MAP2K2: variants seen among roughly 807,000 people sequenced by gnomAD.
The protein encoded by MAP2K2 is dual specificity mitogen-activated protein kinase kinase 2.
Under a neutral mutation model 43.7 loss-of-function variants are expected in MAP2K2, and 24 were observed. That is an observed-to-expected ratio of 0.55 (90% CI 0.40 to 0.77). MAP2K2 has a LOEUF of 0.77. MAP2K2 is among the 30% of genes least tolerant of loss of function. The probability of loss-of-function intolerance (pLI) is 0.00; values close to 1 mark genes in which losing one functional copy is unlikely to be tolerated. For missense variants in MAP2K2, 470 were observed against 566.8 expected (o/e 0.83, Z 1.73); for synonymous variants, 244 against 239.7 (o/e 1.02, Z -0.17).
chr19:4,099,615 C>A, intron 6 of MAP2K2: 1 of 598,676 alleles, frequency 1.7e-6, no homozygotes, highest in Non-Finnish European at 3.0e-6. Context: ...GCTTCCAGCC[C>A]GAGGCCTGGA....
At chr19:4,106,550 A>G (rs2041087849) in intron 3 of MAP2K2, among the ~76,000 whole-genome samples, 1 of 152,114 alleles carries the variant, frequency 6.6e-6, no homozygotes, top group African/African-American at 2.4e-5. Flanking sequence ...CTGGGACTAC[A>G]GGCGTGCGCC....
intron 3 of MAP2K2, among the ~76,000 whole-genome samples, chr19:4,107,580 A>T (rs1172502624): frequency 6.7e-6 from 1 of 149,164 alleles, no homozygotes; most frequent in East Asian, 2.0e-4. Context: ...GTGCTGGTGC[A>T]CCTGTAGTCC....
chr19:4,103,031 C>T (rs1042982461), intron 3 of MAP2K2: 12 of 1,051,904 alleles, frequency 1.1e-5, no homozygotes, highest in African/African-American at 1.0e-4. Flanking sequence ...CACTGCTGGG[C>T]GTCTGCCCTG....
At chr19:4,122,344 T>C (rs1271334208) in intron 1 of MAP2K2, among the ~76,000 whole-genome samples, 4 of 7,208 alleles carry the variant, frequency 5.5e-4, no homozygotes, top group Non-Finnish European at 8.0e-4. Flanking sequence ...AGGGACCCCC[T>C]CACCCCATCT....
intron 3 of MAP2K2, among the ~76,000 whole-genome samples, chr19:4,105,201 T>A (rs2041070283): frequency 7.7e-6 from 1 of 129,894 alleles, no homozygotes; most frequent in Non-Finnish European, 1.7e-5. Context: ...TGTGTGTGTG[T>A]GTGATGTTTA....
Position 4,097,323 on chromosome 19 carries a change from G to C in MAP2K2, c.940C>G (p.Pro314Ala), listed in dbSNP as rs775940718. ...PVSGHGMDSRPAMAIFELLDY... is the reference protein window; with the variant it reads ...PVSGHGMDSRAAMAIFELLDY... ...AGGAGTTCAAAGATGGCCATGGCAG[G>C]CCGGCTATCCATCCCGTGACCTGCA... Residue 314 changes from proline (P) to alanine (A), a missense_variant, in exon 8 of 11, where the codon CCT becomes GCT. Around this residue, in one of 3 missense-constraint regions of MAP2K2, gnomAD observed 212 missense variants for 220.8 expected, o/e 0.96. Coordinates refer to ENST00000262948, the MANE Select transcript of MAP2K2 (RefSeq NM_030662.4). The C allele has an allele frequency of 6.2e-7, 1 of 1,613,200 alleles. No individual in the cohort carries two copies. The highest frequency in any genetic ancestry group is 8.5e-7 in the Non-Finnish European group (1 of 1,179,846).
In MAP2K2 at chr19:4,091,835, G is replaced by A. The variant is rs1306007514; in HGVS notation, c.1093-1127C>T. ...AGCTAATTTTTGTATTTTTAGTTGA[G>A]ACCGGGTTTTTCCATGTTGCCCAGG... On this transcript the variant is annotated intron_variant, in intron 10 of 10. Coordinates refer to ENST00000262948, the MANE Select transcript of MAP2K2 (RefSeq NM_030662.4). Among the ~76,000 whole-genome samples, 7 of 152,092 alleles carry A rather than the reference G, an allele frequency of 4.6e-5. No homozygotes were observed. In the South Asian group the frequency reaches 1.5e-3, roughly 32 times the overall value.
At chr19:4,116,114 C>G (rs1004032190) in intron 2 of MAP2K2, among the ~76,000 whole-genome samples, 1 of 152,176 alleles carries the variant, frequency 6.6e-6, no homozygotes, top group Non-Finnish European at 1.5e-5. Flanking sequence ...AAACGCCAGT[C>G]TAGAGGTTGC....
intron 2 of MAP2K2, 80 bp from the exon 3 acceptor site, chr19:4,110,735 G>A (rs2145070779): frequency 6.6e-7 from 1 of 1,517,458 alleles, no homozygotes; most frequent in Admixed American, 1.8e-5. Flanking sequence ...TGCTCTGCAG[G>A]CGTTCCCAAC....
At chr19:4,120,474 C>G (rs1260337747) in intron 1 of MAP2K2, among the ~76,000 whole-genome samples, 1 of 152,136 alleles carries the variant, frequency 6.6e-6, no homozygotes, top group Non-Finnish European at 1.5e-5. Context: ...TCACCGCGCT[C>G]AGCTAATTTT....
intron 9 of MAP2K2, 148 bp downstream of exon 9, chr19:4,095,240 G>A (rs1193230297): frequency 2.9e-6 from 2 of 680,364 alleles, no homozygotes; most frequent in Non-Finnish European, 5.1e-6. Context: ...CTGGGAAAAG[G>A]AATCTGGCTT....
intron 3 of MAP2K2, among the ~76,000 whole-genome samples, chr19:4,105,562 G>A (rs1233785893): frequency 6.6e-6 from 1 of 152,082 alleles, no homozygotes; most frequent in African/African-American, 2.4e-5. Flanking sequence ...TTGAGCCACC[G>A]CACCCGGCAA....
chr19:4,099,227 G>A lies in MAP2K2; in HGVS notation c.893C>T (p.Pro298Leu), dbSNP rs200371894. The change falls in exon 7 of 11, where the codon CCG becomes CTG. Residue 298 changes from proline (P) to leucine (L), a missense_variant. Around this residue, in one of 3 missense-constraint regions of MAP2K2, gnomAD observed 212 missense variants for 220.8 expected, o/e 0.96. Transcript: ENST00000262948. Reference protein sequence around the residue: ...EGEPHSISPRPRPPGRPVSGH... With the variant: ...EGEPHSISPRLRPPGRPVSGH... ...GCTGACGGGGCGCCCGGGGGGCCTC[G>A]GCCGAGGCGAGATGCTGTGAGGCTC... 3.2e-4 allele frequency: 508 copies of A among 1,603,844 alleles called. 4 individuals carry two copies. In the East Asian group the frequency reaches 6.8e-3, roughly 22 times the overall value.
At chr19:4,097,375 G>A in intron 7 of MAP2K2, 32 bp from the exon 8 acceptor site, 1 of 1,557,632 alleles carries the variant, frequency 6.4e-7, no homozygotes, top group South Asian at 1.1e-5. Context: ...GGTGAGATGG[G>A]CCGATGGCCA....
chr19:4,092,166 C>T (rs983233969), intron 10 of MAP2K2, among the ~76,000 whole-genome samples: 1 of 152,190 alleles, frequency 6.6e-6, no homozygotes, highest in Non-Finnish European at 1.5e-5. Flanking sequence ...GCCTCTTTTG[C>T]AGCTGGAGGC....
In MAP2K2 at chr19:4,123,845, C is replaced by G. The variant is rs750214699; in HGVS notation, c.31G>C (p.Ala11Pro). 6.6e-7 allele frequency: 1 copy of G among 1,525,830 alleles called. No individual in the cohort carries two copies. Among genetic ancestry groups the G allele is most frequent in the Non-Finnish European group, 8.8e-7 (1 of 1,139,894 alleles). 94.5% of individuals were successfully genotyped at this position (1,525,830 alleles called of 1,614,324 possible). Residue 11 changes from alanine to proline, a missense_variant, in exon 1 of 11, where the codon GCG becomes CCG. Around this residue, in one of 3 missense-constraint regions of MAP2K2, gnomAD observed 58 missense variants for 48.0 expected, o/e 1.21. Coordinates refer to ENST00000262948, the MANE Select transcript of MAP2K2 (RefSeq NM_030662.4). ...GCGATGGTAGGGTTGATGGTGAGCGCCGGCAGCACCGGCTTCCTCCGGGCC... is the reference window on the plus strand; with the variant it reads ...GCGATGGTAGGGTTGATGGTGAGCGGCGGCAGCACCGGCTTCCTCCGGGCC... MLARRKPVLPALTINPTIAEG... is the reference protein window; with the variant it reads MLARRKPVLPPLTINPTIAEG...
At chr19:4,102,650 TG>T in intron 3 of MAP2K2, 197 bp from the exon 4 acceptor site, 1 of 953,114 alleles carries the variant, frequency 1.0e-6, no homozygotes, top group Non-Finnish European at 1.6e-6. Context: ...ACCCACAAGG[TG>T]GGGAAGGAAC....
chr19:4,116,746 G>A (rs1000970943), intron 2 of MAP2K2, among the ~76,000 whole-genome samples: 1 of 151,760 alleles, frequency 6.6e-6, no homozygotes, highest in African/African-American at 2.4e-5. Context: ...TGGCCAACAT[G>A]GCGAAACCCT....
intron 4 of MAP2K2, 79 bp downstream of exon 4, chr19:4,102,297 G>A: frequency 5.5e-6 from 7 of 1,264,144 alleles, no homozygotes; most frequent in South Asian, 1.3e-5. Context: ...ACTGTGAGTG[G>A]CTCCCGGAAC....
Sources: gnomAD v4.1 joint callset for allele counts (sites outside exome capture counted in the v4.1 genomes callset) on GRCh38, gnomAD v4.1.1 for gene constraint, gnomAD v4.1.1 regional missense constraint, MANE v1.5 for transcripts, NCBI Gene and HGNC (gene_info 2026-07-23, HGNC 2026-07-21) for gene names.